Variants in PLK1 observed in about 807,000 individuals in gnomAD.
PLK1 encodes the protein serine/threonine-protein kinase PLK1.
In PLK1, 6 loss-of-function variants were observed where a neutral mutation model predicts 56.7. The observed-to-expected ratio is 0.11, with a 90% CI of 0.06 to 0.21. The LOEUF is 0.21. Among genes scored for constraint, PLK1 ranks in the 10% least tolerant of loss-of-function variants. PLK1 has a pLI of 1.00. For synonymous variants in PLK1, 298 were observed against 325.0 expected (o/e 0.92, Z 0.89); for missense variants, 546 against 814.4 (o/e 0.67, Z 4.01).
intron 1 of PLK1, 152 bp from the exon 2 acceptor site, chr16:23,679,932 T>C: frequency 1.7e-6 from 1 of 598,290 alleles, no homozygotes; most frequent in South Asian, 2.1e-5. Flanking sequence ...GGTGGGGGCA[T>C]AGGGAAGGAG....
Position 23,689,547 on chromosome 16 carries a change from A to C in PLK1, c.1479A>C (p.Ala493=), listed in dbSNP as rs753379433. The stretch of plus-strand genomic sequence containing the variant: ...ACATGAGCGAGCACTTGCTGAAGGC[A>C]GGTGCCAACATCACGCCGCGCGAAG... ...RNYMSEHLLK[A]GANITPREGD... is the part of the protein sequence containing the mutation. The change falls in exon 9 of 10, where the codon GCA becomes GCC. Residue 493 remains alanine, a synonymous_variant. Transcript: ENST00000300093. The surrounding 1 kb of genome is among the most constrained non-coding windows in gnomAD (Gnocchi z 4.8). 16 of 1,613,542 alleles carry C rather than the reference A, an allele frequency of 9.9e-6. 1 individual carries two copies. The South Asian group carries it at 1.5e-4, about 15-fold the overall frequency.
intron 6 of PLK1, 25 bp from the exon 7 acceptor site, chr16:23,688,643 A>G (rs930316046): frequency 1.3e-6 from 2 of 1,586,630 alleles, no homozygotes; most frequent in Non-Finnish European, 8.7e-7. Flanking sequence ...CTGACCAACT[A>G]ACTGTCTGTC....
intron 2 of PLK1, 118 bp downstream of exon 2, chr16:23,680,370 A>AT: frequency 2.7e-6 from 2 of 742,384 alleles, no homozygotes; most frequent in Admixed American, 2.5e-5. Context: ...CAGATGCATT[A>AT]TTTTTTTGTG....
chr16:23,682,040 C>G, intron 3 of PLK1, 24 bp from the exon 4 acceptor site: 1 of 1,333,518 alleles, frequency 7.5e-7, no homozygotes. Context: ...GAGACTGGTG[C>G]CAAATCCTAC....
chr16:23,690,134 C>A lies in PLK1; in HGVS notation c.*71C>A. 1.6e-6 allele frequency: 2 copies of A among 1,230,280 alleles called. No individual in the cohort carries two copies. Among genetic ancestry groups the A allele is most frequent in the Non-Finnish European group, 2.4e-6 (2 of 850,106 alleles). 76.2% of individuals were successfully genotyped at this position (1,230,280 alleles called of 1,614,324 possible). The stretch of plus-strand genomic sequence containing the variant: ...CATCTGGGGCCCATACTGGTTGGCT[C>A]CCGCGGTGCCATGTCTGCAGTGTGC... On this transcript the variant is annotated 3_prime_UTR_variant, in exon 10 of 10. Transcript: ENST00000300093.
chr16:23,689,910 C>T lies in PLK1; in HGVS notation c.1659C>T (p.Ile553=), dbSNP rs765429683. 10 of 1,614,008 alleles carry T rather than the reference C, an allele frequency of 6.2e-6. No individual in the cohort carries two copies. The African/African-American group carries it at 6.7e-5, about 11-fold the overall frequency. ...CACTGATGGCAGCCGTGACCTACAT[C>T]GACGAGAAGCGGGACTTCCGCACAT... The part of the protein sequence containing the change: ...LCPLMAAVTY[I]DEKRDFRTYR... The change falls in exon 10 of 10, where the codon ATC becomes ATT. Residue 553 remains isoleucine (I), a synonymous_variant. Transcript: ENST00000300093. This position sits in a 1 kb window ranked among gnomAD's most constrained non-coding sequence, Gnocchi z 4.8.
chr16:23,682,288 T>A, intron 4 of PLK1, 131 bp downstream of exon 4: 1 of 598,650 alleles, frequency 1.7e-6, no homozygotes, highest in Non-Finnish European at 3.0e-6. Flanking sequence ...TGAGAGGGCC[T>A]GTGTCTGAAA....
intron 5 of PLK1, among the ~76,000 whole-genome samples, chr16:23,684,787 A>G (rs1314702485): frequency 6.6e-6 from 1 of 151,530 alleles, no homozygotes; most frequent in Non-Finnish European, 1.5e-5. Context: ...CCTCCTGAGT[A>G]GCTGGGACTA....
Position 23,684,045 on chromosome 16 carries a change from G to A in PLK1, c.992G>A (p.Ser331Asn), listed in dbSNP as rs146042616. ...IPPRFSIAPS[S>N]LDPSNRKPLT... ...CCAAGGTTTTCGATTGCTCCCAGCA[G>A]CCTGGACCCCAGCAACCGGAAGCCC... Residue 331 changes from serine to asparagine, a missense_variant, in exon 5 of 10, where the codon AGC (serine) becomes AAC (asparagine). By Grantham distance (46) the Ser-to-Asn change is conservative. Around this residue, in one of 7 missense-constraint regions of PLK1, gnomAD observed 157 missense variants for 184.0 expected, o/e 0.85. Transcript: ENST00000300093. The A allele has an allele frequency of 1.9e-5, 30 of 1,614,140 alleles. 1 individual carries two copies. The highest frequency in any genetic ancestry group is 3.3e-4 in the Middle Eastern group (2 of 6,062).
In PLK1 at chr16:23,680,111, A is replaced by C; in HGVS notation, c.436A>C (p.Lys146Gln). 6.2e-7 allele frequency: 1 copy of C among 1,613,968 alleles called. No homozygotes were observed. The highest frequency in any genetic ancestry group is 8.5e-7 in the Non-Finnish European group (1 of 1,179,918). ...RSLLELHKRR[K>Q]ALTEPEARYY... Reference sequence around the variant, plus strand: ...TCTCCTGGAGCTGCACAAGAGGAGGAAAGCCCTGACTGAGCCTGAGGCCCG... The same window carrying C: ...TCTCCTGGAGCTGCACAAGAGGAGGCAAGCCCTGACTGAGCCTGAGGCCCG... Residue 146 changes from lysine (K) to glutamine (Q), a missense_variant, in exon 2 of 10, where the codon AAA (lysine) becomes CAA (glutamine). This residue lies in a region of PLK1 where 111 missense variants were observed against 211.8 expected (regional missense o/e 0.52). Coordinates refer to ENST00000300093, the MANE Select transcript of PLK1 (RefSeq NM_005030.6).
chr16:23,679,193 T>G lies in PLK1; in HGVS notation c.261T>G (p.Ser87=). 1.2e-6 allele frequency: 2 copies of G among 1,614,030 alleles called. No individual in the cohort carries two copies. Among genetic ancestry groups the G allele is most frequent in the Non-Finnish European group, 1.7e-6 (2 of 1,180,002 alleles). The change falls in exon 1 of 10, where the codon TCT becomes TCG. Residue 87 remains serine, a synonymous_variant. Coordinates refer to ENST00000300093, the MANE Select transcript of PLK1 (RefSeq NM_005030.6). The part of the protein sequence containing the change: ...EVFAGKIVPK[S]LLLKPHQREK... ...TCGCGGGCAAGATTGTGCCTAAGTC[T>G]CTGCTGCTCAAGCCGCACCAGAGGG...
Position 23,689,848 on chromosome 16 carries a change from C to T in PLK1, c.1609-12C>T, listed in dbSNP as rs1326535198. 3 of 1,610,998 alleles carry T rather than the reference C, an allele frequency of 1.9e-6. No individual in the cohort carries two copies. The highest frequency in any genetic ancestry group is 3.3e-5 in the Admixed American group (2 of 59,964). ...TCTGGGATCGCCAACCCCTGCTGCTCTTCTCTTGCAGGATCACACCAAGCT... is the reference window on the plus strand; with the variant it reads ...TCTGGGATCGCCAACCCCTGCTGCTTTTCTCTTGCAGGATCACACCAAGCT... On this transcript the variant is annotated splice_polypyrimidine_tract_variant and intron_variant, in intron 9 of 9. Transcript: ENST00000300093. This position sits in a 1 kb window ranked among gnomAD's most constrained non-coding sequence, Gnocchi z 4.8.
At chr16:23,688,591 GGT>G in intron 6 of PLK1, 75 bp from the exon 7 acceptor site, 1 of 1,163,098 alleles carries the variant, frequency 8.6e-7, no homozygotes, top group Admixed American at 1.7e-5. Context: ...CCTGTTCCCT[GGT>G]GTGGGCCACA....
intron 1 of PLK1, 81 bp downstream of exon 1, chr16:23,679,421 C>A: frequency 7.4e-7 from 1 of 1,353,334 alleles, no homozygotes; most frequent in Non-Finnish European, 1.0e-6. Context: ...AAAGAGTACC[C>A]AGCAAGGGAG....
chr16:23,683,215 A>T (rs1435828988), intron 4 of PLK1, among the ~76,000 whole-genome samples: 1 of 151,476 alleles, frequency 6.6e-6, no homozygotes, highest in Non-Finnish European at 1.5e-5. Context: ...GATGGTCTCG[A>T]TCTCCTGACC....
chr16:23,682,811 C>T (rs1236398760), intron 4 of PLK1, among the ~76,000 whole-genome samples: 7 of 150,922 alleles, frequency 4.6e-5, no homozygotes, highest in South Asian at 2.1e-4. Flanking sequence ...GGATTACAGG[C>T]GTGAGCCACC....
chr16:23,680,308 G>T (rs570194577), intron 2 of PLK1, 56 bp downstream of exon 2: 2 of 1,519,966 alleles, frequency 1.3e-6, no homozygotes, highest in Non-Finnish European at 1.8e-6. Flanking sequence ...CTGGAATTTG[G>T]AGGAGGCTGG....
intron 4 of PLK1, among the ~76,000 whole-genome samples, chr16:23,682,492 T>C (rs1023155350): frequency 6.6e-6 from 1 of 151,368 alleles, no homozygotes; most frequent in Non-Finnish European, 1.5e-5. Context: ...TTCTGCCACT[T>C]AGCGAGATCA....
At chr16:23,681,898 A>T (rs749005024) in intron 3 of PLK1, among the ~76,000 whole-genome samples, 166 bp from the exon 4 acceptor site, 8 of 152,096 alleles carry the variant, frequency 5.3e-5, no homozygotes, top group Non-Finnish European at 8.8e-5. Context: ...AGCCAATGTC[A>T]TGGCTTCTGG....
Sources: gnomAD v4.1 joint callset for allele counts (sites outside exome capture counted in the v4.1 genomes callset) on GRCh38, gnomAD v4.1.1 for gene constraint, gnomAD v4.1.1 regional missense constraint, Gnocchi (gnomAD v3.1) non-coding constraint, MANE v1.5 for transcripts, NCBI Gene and HGNC (gene_info 2026-07-23, HGNC 2026-07-21) for gene names.